Variants in MDN1 observed in about 807,000 individuals in gnomAD.
MDN1 encodes the protein midasin.
Under a neutral mutation model 669.2 loss-of-function variants are expected in MDN1, and 266 were observed. The ratio of observed to expected loss-of-function variants is 0.40; its 90% CI spans 0.36 to 0.44. MDN1 has a LOEUF of 0.44. Ranked by LOEUF, MDN1 falls within the 20% of genes least tolerant of loss-of-function variation. The pLI is 1.00. For synonymous variants in MDN1, 2,385 were observed against 2,457.1 expected (o/e 0.97, Z 0.87); for missense variants, 5,940 against 6,754.0 (o/e 0.88, Z 4.22).
intron 5 of MDN1, among the ~76,000 whole-genome samples, chr6:89,791,935 T>C (rs1223405969): frequency 6.9e-6 from 1 of 145,972 alleles, no homozygotes; most frequent in Non-Finnish European, 1.5e-5. Flanking sequence ...TGGCACGATC[T>C]CGGCTCACTG....
chr6:89,788,957 C>T (rs536401591), intron 7 of MDN1, among the ~76,000 whole-genome samples: 56 of 152,222 alleles, frequency 3.7e-4, no homozygotes, highest in African/African-American at 1.3e-3. Context: ...AACCCCGTCT[C>T]TACTAAAAAT....
intron 1 of MDN1, among the ~76,000 whole-genome samples, chr6:89,817,501 G>C (rs1010773529): frequency 1.3e-5 from 2 of 152,168 alleles, no homozygotes; most frequent in Non-Finnish European, 2.9e-5. Context: ...GAAGAGGAAA[G>C]GGTAAAGTCA....
In MDN1 at chr6:89,800,162, TCACA is replaced by T. The variant is rs538183829; in HGVS notation, c.329+3162_329+3165del. On this transcript the variant is annotated intron_variant, in intron 2 of 101. Transcript: ENST00000369393. The stretch of plus-strand genomic sequence containing the variant: ...GGAAAAACAGGCCGGGCACGGTGGC[TCACA>T]CCTGTAATCCCAGGACTTTGGGAGG... Among the ~76,000 whole-genome samples, 322 of 152,048 alleles carry T rather than the reference TCACA, an allele frequency of 2.1e-3. 4 individuals are homozygous for T. The highest frequency in any genetic ancestry group is 0.018 in the Admixed American group (270 of 15,272).
rs1219147960 is a variant in MDN1 at position 89,727,855 on chromosome 6, C to T, written c.5450G>A (p.Gly1817Asp). 2 of 1,614,014 alleles carry T rather than the reference C, an allele frequency of 1.2e-6. No homozygotes were observed. Among genetic ancestry groups the T allele is most frequent in the Non-Finnish European group, 1.7e-6 (2 of 1,179,948 alleles). Residue 1817 changes from glycine (G) to aspartate (D), a missense_variant, in exon 37 of 102, where the codon GGC (glycine) becomes GAC (aspartate). Coordinates refer to ENST00000369393, the MANE Select transcript of MDN1 (RefSeq NM_014611.3). ...CACCTCATCCAACACCACCCAATGG[C>T]CTGCCTTCAAAGCTGCCAGTAAGGG... ...DGPLLAALKA[G>D]HWVVLDELNL...
At position 89,774,690 on chromosome 6, in the gene MDN1, T is replaced by C. The variant is rs1410745842; in HGVS notation, c.1865A>G (p.Asn622Ser). 1 of 1,613,694 alleles carries C rather than the reference T, an allele frequency of 6.2e-7. No homozygotes were observed. The highest frequency in any genetic ancestry group is 2.2e-5 in the East Asian group (1 of 44,856). The change falls in exon 13 of 102, where the codon AAT (asparagine) becomes AGT (serine). Residue 622 changes from asparagine (N) to serine (S), a missense_variant. Physicochemically the swap from Asn to Ser is conservative, Grantham distance 46. Around this residue, in one of 5 missense-constraint regions of MDN1, gnomAD observed 1,203 missense variants for 1,268.9 expected, o/e 0.95. Coordinates refer to ENST00000369393, the MANE Select transcript of MDN1 (RefSeq NM_014611.3). ...CQLYKPEIVINELDLQVGRVR... is the reference protein window; with the variant it reads ...CQLYKPEIVISELDLQVGRVR... ...TCGACCCACTTGCAAATCTAGCTCA[T>C]TGATCACAATTTCTGGTTTATAAAG...
rs1195530507 is a variant in MDN1, at chr6:89,655,884, C to T, written c.15370G>A (p.Val5124Met). 1 of 1,614,042 alleles carries T rather than the reference C, an allele frequency of 6.2e-7. No homozygotes were observed. Among genetic ancestry groups the T allele is most frequent in the Admixed American group, 1.7e-5 (1 of 60,010 alleles). Residue 5124 changes from valine to methionine, a missense_variant, in exon 92 of 102, where the codon GTG becomes ATG. Around this residue, in one of 5 missense-constraint regions of MDN1, gnomAD observed 2,280 missense variants for 2,576.3 expected, o/e 0.88. Coordinates refer to ENST00000369393, the MANE Select transcript of MDN1 (RefSeq NM_014611.3). ...NERVHKRLRT[V>M]DTDSHAEQGP... Reference sequence around the variant, plus strand: ...TGCTCGGCATGGCTGTCCGTATCCACAGTCCTCAGCCTCTTGTGCACACGC... The same window carrying T: ...TGCTCGGCATGGCTGTCCGTATCCATAGTCCTCAGCCTCTTGTGCACACGC...
Position 89,728,940 on chromosome 6 carries a change from T to C in MDN1, c.5340A>G (p.Ser1780=). ...GGATGACCGAGCTTACCGTTTGCTC[T>C]GATAAGTTGATTCTAACAAGGGTAT... ...SGNTLVRINL[S]EQTDITDLFG... Residue 1780 remains serine (S), a synonymous_variant, in exon 36 of 102, where the codon TCA becomes TCG. Coordinates refer to ENST00000369393, the MANE Select transcript of MDN1 (RefSeq NM_014611.3). 1.2e-6 allele frequency: 2 copies of C among 1,613,908 alleles called. No individual in the cohort carries two copies. The highest frequency in any genetic ancestry group is 2.2e-5 in the East Asian group (1 of 44,886).
At chr6:89,807,470 C>T (rs1297503074) in intron 1 of MDN1, among the ~76,000 whole-genome samples, 2 of 152,102 alleles carry the variant, frequency 1.3e-5, no homozygotes, top group African/African-American at 2.4e-5. Flanking sequence ...ATCTTTGCTC[C>T]TCTACAAGTA....
At chr6:89,771,652 C>A in intron 14 of MDN1, 31 bp from the exon 15 acceptor site, 4 of 1,586,120 alleles carry the variant, frequency 2.5e-6, no homozygotes, top group Non-Finnish European at 3.5e-6. Context: ...AAGTGTTACT[C>A]CAAAAATTTA....
intron 43 of MDN1, 89 bp downstream of exon 43, chr6:89,718,277 A>G: frequency 7.4e-7 from 1 of 1,355,152 alleles, no homozygotes; most frequent in Non-Finnish European, 1.0e-6. Context: ...TTACTAAATT[A>G]ATACAAAACA....
intron 29 of MDN1, among the ~76,000 whole-genome samples, chr6:89,744,897 T>C (rs1426159742): frequency 6.6e-6 from 1 of 150,746 alleles, no homozygotes; most frequent in Non-Finnish European, 1.5e-5. Context: ...ATAATAATAA[T>C]AAAGCCATTA....
chr6:89,673,927 G>A (rs988888947), intron 79 of MDN1, among the ~76,000 whole-genome samples, 177 bp downstream of exon 79: 5 of 152,072 alleles, frequency 3.3e-5, no homozygotes, highest in Admixed American at 1.3e-4. Context: ...AGAACCTGCA[G>A]ATGACACCCC....
rs778129186 is a variant in MDN1 at position 89,644,126 on chromosome 6, T to C, written c.16670A>G (p.Tyr5557Cys). 7 of 1,614,102 alleles carry C rather than the reference T, an allele frequency of 4.3e-6. No homozygotes were observed. The South Asian group carries it at 4.4e-5, about 10-fold the overall frequency. The change falls in exon 102 of 102, where the codon TAC becomes TGC. Residue 5557 changes from tyrosine (Y) to cysteine (C), a missense_variant. Tyr to Cys is a radical substitution (Grantham distance 194). Transcript: ENST00000369393. ...GTATGGGAATGGGAACTCTTCCATG[T>C]AGGATCGGATTTCAGGCATCTCTCC... ...GPGEMPEIRS[Y>C]MEEFPFPYYI...
chr6:89,716,551 CAGT>C, intron 44 of MDN1, 96 bp downstream of exon 44: 1 of 1,356,508 alleles, frequency 7.4e-7, no homozygotes, highest in Middle Eastern at 2.1e-4. Flanking sequence ...TTAAGAAAAA[CAGT>C]AGCTTCAAAA....
Position 89,662,256 on chromosome 6 carries a change from GAAA to G in MDN1, c.14413-20_14413-18del. The G allele has an allele frequency of 1.9e-6, 3 of 1,598,074 alleles. No homozygotes were observed. Among genetic ancestry groups the G allele is most frequent in the Middle Eastern group, 1.7e-4 (1 of 5,966 alleles). On this transcript the variant is annotated intron_variant, in intron 86 of 101. Coordinates refer to ENST00000369393, the MANE Select transcript of MDN1 (RefSeq NM_014611.3). Reference sequence around the variant, plus strand: ...AGAATCTTCCTAAATGTCAGAGGAAGAAAAAACAATCATCACACTCAATCCAAG... The same window carrying G: ...AGAATCTTCCTAAATGTCAGAGGAAGAAACAATCATCACACTCAATCCAAG...
At chr6:89,813,896 C>T (rs538477229) in intron 1 of MDN1, among the ~76,000 whole-genome samples, 1 of 144,884 alleles carries the variant, frequency 6.9e-6, no homozygotes, top group African/African-American at 2.6e-5. Flanking sequence ...CTAGGCAACA[C>T]AGCAAGACCT....
In MDN1 at chr6:89,794,598, C is replaced by G. The variant is rs766901717; in HGVS notation, c.533G>C (p.Ser178Thr). 6.2e-7 allele frequency: 1 copy of G among 1,613,294 alleles called. No homozygotes were observed. Among genetic ancestry groups the G allele is most frequent in the African/African-American group, 1.3e-5 (1 of 75,026 alleles). The change falls in exon 3 of 102, where the codon AGC becomes ACC. Residue 178 changes from serine (S) to threonine (T), a missense_variant. Transcript: ENST00000369393. Reference protein sequence around the residue: ...DWSVCVPLLRSHDTLVRWYTA... With the variant: ...DWSVCVPLLRTHDTLVRWYTA... ...GCACCAGCGAACCAAGGTGTCATGG[C>G]TTCTGAGGAGAGGGACACACACACT...
intron 7 of MDN1, among the ~76,000 whole-genome samples, chr6:89,788,771 G>A (rs1221617299): frequency 6.6e-6 from 1 of 152,172 alleles, no homozygotes; most frequent in African/African-American, 2.4e-5. Flanking sequence ...GGTAACAAAG[G>A]CAAGAGAGAT....
Position 89,650,023 on chromosome 6 carries a change from C to T in MDN1, c.16206+1G>A. On this transcript the variant is annotated splice_donor_variant, in intron 97 of 101. Transcript: ENST00000369393. LOFTEE classifies it high-confidence loss of function. ...ACTGCCACTGCATTTCTCTTCCTTA[C>T]CTGCTTGGTATGATTGTCTACCATA... 9.3e-6 allele frequency: 15 copies of T among 1,613,954 alleles called. No homozygotes were observed. Among genetic ancestry groups the T allele is most frequent in the Non-Finnish European group, 1.3e-5 (15 of 1,179,930 alleles).
Sources: allele counts gnomAD v4.1 joint callset (sites outside exome capture counted in the v4.1 genomes callset), GRCh38; gene constraint gnomAD v4.1.1; regional missense constraint gnomAD v4.1.1; transcripts MANE v1.5; gene names NCBI Gene and HGNC (gene_info 2026-07-23, HGNC 2026-07-21).